ZNF670: variants seen among roughly 807,000 people sequenced by gnomAD.
ZNF670 encodes zinc finger protein 670.
Under a neutral mutation model 10.9 loss-of-function variants are expected in ZNF670, and 7 were observed. The ratio of observed to expected loss-of-function variants is 0.64; its 90% confidence interval spans 0.36 to 1.20. ZNF670 has a LOEUF of 1.20. Among genes scored for constraint, ZNF670 ranks in the 50% most tolerant of loss-of-function variants. ZNF670 has a pLI of 0.02. For missense variants in ZNF670, 446 were observed against 458.6 expected (o/e 0.97, Z 0.25); for synonymous variants, 136 against 152.7 (o/e 0.89, Z 0.81).
rs1670154923 is a variant in ZNF670 at position 247,036,553 on chromosome 1, A to G, written c.*896T>C. On this transcript the variant is annotated 3_prime_UTR_variant, in exon 4 of 4. Transcript: ENST00000366503. ...GGCATGTGTCTGTAGCTCCAGCTAC[A>G]TAGGAGGCTAAGGTGGGAGAATCAC... Among the ~76,000 whole-genome samples the G allele has an allele frequency of 6.6e-6, 1 of 152,254 alleles. No individual in the cohort carries two copies. The highest frequency in any genetic ancestry group is 2.4e-5 in the African/African-American group (1 of 41,550).
intron 1 of ZNF670, among the ~76,000 whole-genome samples, chr1:247,056,336 C>A (rs980254558): frequency 6.6e-6 from 1 of 152,282 alleles, no homozygotes; most frequent in Admixed American, 6.5e-5. Context: ...CAAGCATCTT[C>A]CCTGACCGCA....
At chr1:247,060,392 G>A (rs1038041470) in intron 1 of ZNF670, among the ~76,000 whole-genome samples, 1 of 152,200 alleles carries the variant, frequency 6.6e-6, no homozygotes, top group Non-Finnish European at 1.5e-5. Flanking sequence ...TAAAGCAAAT[G>A]TTGAACACCT....
At chr1:247,067,710 C>T (rs1357628404) in intron 1 of ZNF670, among the ~76,000 whole-genome samples, 16 of 148,842 alleles carry the variant, frequency 1.1e-4, no homozygotes, top group East Asian at 4.0e-4. Flanking sequence ...GGCGTAGTGG[C>T]GGGCGCCTGT....
At chr1:247,053,469 T>TAA (rs563845053) in intron 1 of ZNF670, among the ~76,000 whole-genome samples, 3 of 151,712 alleles carry the variant, frequency 2.0e-5, no homozygotes, top group Admixed American at 6.6e-5. Flanking sequence ...CCATCTTTAC[T>TAA]AAAAAAAATA....
At chr1:247,048,491 G>A (rs1670511833) in intron 1 of ZNF670, among the ~76,000 whole-genome samples, 1 of 152,088 alleles carries the variant, frequency 6.6e-6, no homozygotes, top group Admixed American at 6.6e-5. Context: ...GTCTCCTTCT[G>A]AGCCCTCCAA....
At chr1:247,066,832 C>A (rs1045222785) in intron 1 of ZNF670, among the ~76,000 whole-genome samples, 6 of 152,166 alleles carry the variant, frequency 3.9e-5, no homozygotes, top group Admixed American at 6.6e-5. Flanking sequence ...CGTGATAAAA[C>A]CTTAGTTTCC....
At chr1:247,074,702 C>G (rs1671213412) in intron 1 of ZNF670, among the ~76,000 whole-genome samples, 1 of 152,084 alleles carries the variant, frequency 6.6e-6, no homozygotes, top group Non-Finnish European at 1.5e-5. Context: ...CTAGATCCCT[C>G]CCATGCACAG....
intron 1 of ZNF670, among the ~76,000 whole-genome samples, chr1:247,053,529 A>G (rs6426213): frequency 0.99 from 151,060 of 152,258 alleles, 74,937 homozygotes; most frequent in Middle Eastern, 1. Context: ...CCAGCTACTC[A>G]GGACGCTGAG....
At chr1:247,046,712 C>G (rs575412910) in intron 1 of ZNF670, among the ~76,000 whole-genome samples, 1 of 152,124 alleles carries the variant, frequency 6.6e-6, no homozygotes, top group Non-Finnish European at 1.5e-5. Flanking sequence ...CACTGCCTAG[C>G]GGAGCTGTGG....
intron 1 of ZNF670, chr1:247,043,108 G>T (rs1670357381): frequency 1.8e-6 from 2 of 1,096,764 alleles, no homozygotes; most frequent in African/African-American, 2.9e-5. Context: ...AAAAGAACTG[G>T]TGTTTGACAC....
intron 1 of ZNF670, among the ~76,000 whole-genome samples, chr1:247,075,668 G>C (rs769681841): frequency 3.9e-5 from 6 of 152,174 alleles, no homozygotes; most frequent in Admixed American, 6.5e-5. Context: ...AGCCATCCGC[G>C]TAAGACGTGA....
intron 1 of ZNF670, among the ~76,000 whole-genome samples, chr1:247,067,499 C>G (rs1449016676): frequency 1.3e-5 from 2 of 149,890 alleles, no homozygotes; most frequent in Admixed American, 1.3e-4. Context: ...TCCCCACAAG[C>G]ACAGGCAACC....
chr1:247,044,857 G>A (rs995491896), intron 1 of ZNF670, among the ~76,000 whole-genome samples: 4 of 151,932 alleles, frequency 2.6e-5, no homozygotes, highest in Non-Finnish European at 4.4e-5. Context: ...CAGGCACTAT[G>A]CTCACTATCT....
intron 1 of ZNF670, among the ~76,000 whole-genome samples, chr1:247,057,914 A>T (rs952821638): frequency 6.6e-6 from 1 of 152,142 alleles, no homozygotes; most frequent in Non-Finnish European, 1.5e-5. Flanking sequence ...AATAAACAAG[A>T]CCTTGTATTT....
intron 1 of ZNF670, among the ~76,000 whole-genome samples, chr1:247,077,502 C>CT (rs993687841): frequency 1.5e-4 from 23 of 151,548 alleles, no homozygotes; most frequent in Non-Finnish European, 3.2e-4. Flanking sequence ...TGCACAAAGA[C>CT]TTTTTTTTTC....
chr1:247,074,594 T>A (rs1417313593), intron 1 of ZNF670, among the ~76,000 whole-genome samples: 1 of 152,176 alleles, frequency 6.6e-6, no homozygotes, highest in East Asian at 1.9e-4. Flanking sequence ...ATCAGTTTCA[T>A]AGAACACAGA....
intron 1 of ZNF670, among the ~76,000 whole-genome samples, chr1:247,051,725 C>T (rs1670600325): frequency 6.6e-6 from 1 of 151,728 alleles, no homozygotes; most frequent in Admixed American, 6.6e-5. Context: ...TTTTAGTTTA[C>T]TCTTCTTCCT....
rs146329009 is a variant in ZNF670 at position 247,040,135 on chromosome 1, G to A, written c.4-598C>T. ...GGGGATCAGCTCTGAAAAACACTCT[G>A]AGCATTAAGTCTCTAATGAGCATTC... On this transcript the variant is annotated intron_variant, in intron 1 of 3. Transcript: ENST00000366503. Among the ~76,000 whole-genome samples, 78 of 152,276 alleles carry A rather than the reference G, an allele frequency of 5.1e-4. 1 individual carries two copies. The East Asian group carries it at 0.013, about 26-fold the overall frequency.
At chr1:247,054,734 G>C (rs1317650289) in intron 1 of ZNF670, among the ~76,000 whole-genome samples, 1 of 152,162 alleles carries the variant, frequency 6.6e-6, no homozygotes, top group Non-Finnish European at 1.5e-5. Context: ...ATTCCCAGTT[G>C]TGGTGACAAC....
Sources: allele counts gnomAD v4.1 joint callset (sites outside exome capture counted in the v4.1 genomes callset), GRCh38; gene constraint gnomAD v4.1.1; transcripts MANE v1.5; gene names NCBI Gene and HGNC (gene_info 2026-07-23, HGNC 2026-07-21).